The following TMEM132D variants were observed in gnomAD, a reference collection of about 807,000 sequenced individuals.
TMEM132D encodes transmembrane protein 132D, also known as mature OL transmembrane protein.
In TMEM132D, 21 loss-of-function variants were observed where a neutral mutation model predicts 62.3. That is an observed-to-expected ratio of 0.34 (90% CI 0.24 to 0.49). The LOEUF (loss-of-function observed/expected upper bound fraction) is 0.49, where lower values mean the gene tolerates loss of function less well. Among genes scored for constraint, TMEM132D ranks in the 20% least tolerant of loss-of-function variants. TMEM132D has a pLI of 0.99. For missense variants in TMEM132D, 1,346 were observed against 1,402.8 expected, an observed-to-expected ratio of 0.96 and a Z score of 0.65; for synonymous variants, 621 against 575.6, an observed-to-expected ratio of 1.08 and a Z score of -1.13.
At chr12:129,280,403 C>A (rs979538241) in intron 4 of TMEM132D, among the ~76,000 whole-genome samples, 1 of 152,148 alleles carries the variant, frequency 6.6e-6, no homozygotes, top group Non-Finnish European at 1.5e-5. Flanking sequence ...ACTGCAGATA[C>A]GATTTAAAAC....
At chr12:129,522,520 G>C (rs1383670997) in intron 3 of TMEM132D, 1 of 152,082 alleles carries the variant, frequency 6.6e-6, no homozygotes, top group Non-Finnish European at 1.5e-5. Context: ...GGAGGTTTCG[G>C]CAAGTTTGAT....
chr12:129,854,103 T>C (rs1873635397), intron 1 of TMEM132D, among the ~76,000 whole-genome samples: 1 of 152,168 alleles, frequency 6.6e-6, no homozygotes, highest in African/African-American at 2.4e-5. Flanking sequence ...TCACCCCACG[T>C]TTCCCATGTT....
chr12:129,447,371 A>G (rs1384906433), intron 3 of TMEM132D, among the ~76,000 whole-genome samples: 1 of 152,214 alleles, frequency 6.6e-6, no homozygotes, highest in Non-Finnish European at 1.5e-5. Flanking sequence ...AGGAAGCATT[A>G]TTACACTACT....
chr12:129,284,072 C>G (rs150633084), intron 4 of TMEM132D, among the ~76,000 whole-genome samples: 442 of 152,376 alleles, frequency 2.9e-3, no homozygotes, highest in African/African-American at 0.01. Context: ...GCAGCCTTGG[C>G]TCAGCTCACA....
chr12:129,279,593 C>G (rs1450391135), intron 4 of TMEM132D, among the ~76,000 whole-genome samples: 2 of 151,618 alleles, frequency 1.3e-5, no homozygotes, highest in Non-Finnish European at 2.9e-5. Flanking sequence ...CCTACAAAAT[C>G]TTTCAGTAGA....
intron 3 of TMEM132D, among the ~76,000 whole-genome samples, chr12:129,423,924 C>T (rs1872400635): frequency 6.6e-6 from 1 of 152,148 alleles, no homozygotes; most frequent in South Asian, 2.1e-4. Context: ...CAGTTCGTAA[C>T]AGCCTCATAG....
chr12:129,409,281 A>T (rs1318972879), intron 3 of TMEM132D, among the ~76,000 whole-genome samples: 2 of 152,158 alleles, frequency 1.3e-5, no homozygotes, highest in Non-Finnish European at 2.9e-5. Context: ...GTCTGTCTGT[A>T]TTCCAGCCTA....
At chr12:129,239,562 CAAGTT>C (rs1376739227) in intron 4 of TMEM132D, among the ~76,000 whole-genome samples, 1 of 152,070 alleles carries the variant, frequency 6.6e-6, no homozygotes, top group Non-Finnish European at 1.5e-5. Context: ...CAGATGTAGT[CAAGTT>C]AAGACCCTAA....
chr12:129,413,604 T>C (rs367860470), intron 3 of TMEM132D, among the ~76,000 whole-genome samples: 107 of 152,304 alleles, frequency 7.0e-4, no homozygotes, highest in African/African-American at 2.5e-3. Context: ...ATACATCCTT[T>C]TCTTTTTTTG....
chr12:129,437,015 T>C (rs1872804631), intron 3 of TMEM132D, among the ~76,000 whole-genome samples: 1 of 152,144 alleles, frequency 6.6e-6, no homozygotes, highest in Admixed American at 6.5e-5. Context: ...ACTAACCCCT[T>C]TGTTTCTTTT....
intron 5 of TMEM132D, among the ~76,000 whole-genome samples, chr12:129,092,932 C>T (rs1012684703): frequency 2.6e-5 from 4 of 152,166 alleles, no homozygotes; most frequent in African/African-American, 7.2e-5. Flanking sequence ...AGAACTTTAG[C>T]TCATTATACT....
At chr12:129,669,701 T>C (rs969336783) in intron 2 of TMEM132D, among the ~76,000 whole-genome samples, 2 of 139,544 alleles carry the variant, frequency 1.4e-5, no homozygotes, top group African/African-American at 5.3e-5. Flanking sequence ...CAAGACTCCA[T>C]CTCAAGAAAT....
At chr12:129,441,155 C>T (rs1234224087) in intron 3 of TMEM132D, among the ~76,000 whole-genome samples, 1 of 152,152 alleles carries the variant, frequency 6.6e-6, no homozygotes, top group Admixed American at 6.5e-5. Context: ...ATGCACATAC[C>T]TGTATATATG....
intron 1 of TMEM132D, among the ~76,000 whole-genome samples, chr12:129,747,658 GAC>G (rs935496615): frequency 2.8e-5 from 4 of 144,108 alleles, no homozygotes; most frequent in South Asian, 2.2e-4. Flanking sequence ...ACCAGACACA[GAC>G]ACACACATTC....
chr12:129,203,625 T>C (rs1878766940), intron 5 of TMEM132D, among the ~76,000 whole-genome samples: 1 of 152,262 alleles, frequency 6.6e-6, no homozygotes, highest in Non-Finnish European at 1.5e-5. Context: ...CACAGCCTCC[T>C]GTTGCTCTGG....
intron 5 of TMEM132D, among the ~76,000 whole-genome samples, chr12:129,113,565 A>G (rs757833706): frequency 9.9e-5 from 15 of 152,214 alleles, no homozygotes; most frequent in Non-Finnish European, 1.9e-4. Flanking sequence ...TTAAAAAGAC[A>G]TATTAGCAAC....
intron 1 of TMEM132D, among the ~76,000 whole-genome samples, chr12:129,808,944 T>C (rs868209803): frequency 1.3e-5 from 2 of 152,114 alleles, no homozygotes; most frequent in African/African-American, 4.8e-5. Context: ...AGAATAAACT[T>C]TTGGACTGCA....
chr12:129,754,240 T>C (rs114528662), intron 1 of TMEM132D, among the ~76,000 whole-genome samples: 1,660 of 152,268 alleles, frequency 0.011, 29 homozygotes, highest in African/African-American at 0.038. Context: ...AGAATCCCTA[T>C]CAGATATCCA....
intron 5 of TMEM132D, among the ~76,000 whole-genome samples, chr12:129,166,776 CATATATATATATATATATATATATATAT>C (rs59414458): frequency 1.0e-5 from 1 of 95,416 alleles, no homozygotes; most frequent in Non-Finnish European, 2.8e-5. Context: ...TATATATATA[CATATATATATATATATATATATATATAT>C]ATATATTTCA....
Sources: allele counts gnomAD v4.1 joint callset (sites outside exome capture counted in the v4.1 genomes callset), GRCh38; gene constraint gnomAD v4.1.1; transcripts MANE v1.5; gene names NCBI Gene and HGNC (gene_info 2026-07-23, HGNC 2026-07-21).